MTR: variants seen among roughly 807,000 people sequenced by gnomAD.
MTR encodes the protein 5-methyltetrahydrofolate-homocysteine methyltransferase.
In MTR, 84 loss-of-function variants were observed where a neutral mutation model predicts 154.8. The observed-to-expected ratio is 0.54, with a 90% CI of 0.45 to 0.65. The LOEUF is 0.65. MTR is among the 30% of genes least tolerant of loss of function. The pLI, the probability that MTR is intolerant of heterozygous loss-of-function variation, is 0.00. For synonymous variants in MTR, 554 were observed against 553.9 expected (o/e 1.00, Z 0.00); for missense variants, 1,275 against 1,570.2 (o/e 0.81, Z 3.18).
chr1:236,826,881 C>A lies in MTR; in HGVS notation c.980C>A (p.Thr327Lys), dbSNP rs1662318183. The A allele has an allele frequency of 6.2e-7, 1 of 1,613,944 alleles. No homozygotes were observed. The highest frequency in any genetic ancestry group is 8.5e-7 in the Non-Finnish European group (1 of 1,179,844). ...VNIVGGCCGS[T>K]PDHIREIAEA... is the part of the protein sequence containing the mutation. Reference sequence around the variant, plus strand: ...ATAGTTGGAGGATGCTGTGGGTCAACACCAGATCATATCAGGTAATAATCA... The same window carrying A: ...ATAGTTGGAGGATGCTGTGGGTCAAAACCAGATCATATCAGGTAATAATCA... The change falls in exon 11 of 33, where the codon ACA becomes AAA. Residue 327 changes from threonine to lysine, a missense_variant. Physicochemically the swap from Thr to Lys is moderately conservative, Grantham distance 78. Coordinates refer to ENST00000366577, the MANE Select transcript of MTR (RefSeq NM_000254.3).
intron 10 of MTR, among the ~76,000 whole-genome samples, chr1:236,825,716 T>A (rs1460130158): frequency 3.9e-5 from 6 of 152,094 alleles, no homozygotes; most frequent in Non-Finnish European, 2.9e-5. Flanking sequence ...CTCACACCCC[T>A]CAGACTGCTG....
chr1:236,838,722 A>G (rs1459794572), intron 15 of MTR, 123 bp downstream of exon 15: 1 of 985,876 alleles, frequency 1.0e-6, no homozygotes, highest in Non-Finnish European at 1.6e-6. Flanking sequence ...TTCCATATAC[A>G]TTCATGTACA....
chr1:236,807,050 A>C (rs190477177), intron 3 of MTR, among the ~76,000 whole-genome samples: 3 of 152,310 alleles, frequency 2.0e-5, no homozygotes, highest in African/African-American at 7.2e-5. Context: ...ATATACATGT[A>C]TATATAGCAT....
chr1:236,825,475 A>T (rs1662237665), intron 10 of MTR, 76 bp downstream of exon 10: 2 of 1,396,406 alleles, frequency 1.4e-6, no homozygotes, highest in African/African-American at 2.8e-5. Context: ...ATTTAGAAGG[A>T]GAATTTTCCC....
In MTR at chr1:236,805,177, G is replaced by C. The variant is rs558321779; in HGVS notation, c.250-967G>C. On this transcript the variant is annotated intron_variant, in intron 2 of 32. Transcript: ENST00000366577. ...TTATTCAGTATTGGAAAATCAAGGGGGTCAAGGGATTCCAGGTTGCTAGTC... is the reference window on the plus strand; with the variant it reads ...TTATTCAGTATTGGAAAATCAAGGGCGTCAAGGGATTCCAGGTTGCTAGTC... 2.6e-5 allele frequency among the ~76,000 whole-genome samples: 4 copies of C among 152,244 alleles called. No individual in the cohort carries two copies. In the East Asian group the frequency reaches 5.8e-4, roughly 22 times the overall value.
intron 22 of MTR, among the ~76,000 whole-genome samples, chr1:236,865,975 G>A (rs1664801003): frequency 6.6e-6 from 1 of 152,188 alleles, no homozygotes; most frequent in Non-Finnish European, 1.5e-5. Flanking sequence ...AGTGTCATGG[G>A]CAAGCACATT....
At chr1:236,835,444 G>T (rs1317259089) in intron 13 of MTR, 103 bp from the exon 14 acceptor site, 1 of 1,434,252 alleles carries the variant, frequency 7.0e-7, no homozygotes. Context: ...GAGGTAGTCT[G>T]TGTAATTTGA....
At chr1:236,845,877 T>C (rs1458567624) in intron 15 of MTR, among the ~76,000 whole-genome samples, 1 of 152,262 alleles carries the variant, frequency 6.6e-6, no homozygotes, top group Non-Finnish European at 1.5e-5. Flanking sequence ...TGCTATTGGA[T>C]GTAGCAATCA....
At position 236,859,940 on chromosome 1, in the gene MTR, G is replaced by C. The variant is rs763911562; in HGVS notation, c.2043+18G>C. On this transcript the variant is annotated intron_variant, in intron 19 of 32. Coordinates refer to ENST00000366577, the MANE Select transcript of MTR (RefSeq NM_000254.3). The stretch of plus-strand genomic sequence containing the variant: ...TTGTGAAGGTAAGTTACAGGGGCCT[G>C]AACTGGAGGGCTGGAGGCTCATCAT... 5 of 1,607,270 alleles carry C rather than the reference G, an allele frequency of 3.1e-6. No homozygotes were observed. The African/African-American group carries it at 4.0e-5, about 13-fold the overall frequency.
At chr1:236,861,982 A>AG (rs1664573249) in intron 20 of MTR, among the ~76,000 whole-genome samples, 1 of 152,198 alleles carries the variant, frequency 6.6e-6, no homozygotes, top group African/African-American at 2.4e-5. Flanking sequence ...GGAAAAAAAA[A>AG]CAAGCCAAAG....
intron 22 of MTR, among the ~76,000 whole-genome samples, chr1:236,868,764 AG>A (rs1199416426): frequency 6.6e-6 from 1 of 152,248 alleles, no homozygotes; most frequent in Admixed American, 6.5e-5. Context: ...GTAAAAGAGC[AG>A]TATATGGCTG....
chr1:236,837,150 A>G (rs1213596033), intron 14 of MTR, among the ~76,000 whole-genome samples: 1 of 152,238 alleles, frequency 6.6e-6, no homozygotes, highest in Non-Finnish European at 1.5e-5. Flanking sequence ...TGGGACACCA[A>G]ACTATCAGCA....
intron 13 of MTR, among the ~76,000 whole-genome samples, chr1:236,833,446 G>A (rs968418046): frequency 1.1e-4 from 16 of 152,170 alleles, no homozygotes; most frequent in South Asian, 2.1e-4. Flanking sequence ...AGGTACTGTG[G>A]TTATCCCCAT....
Position 236,898,471 on chromosome 1 carries a change from C to G in MTR, c.*827C>G, listed in dbSNP as rs1666782790. The G allele has an allele frequency of 1.3e-5, 2 of 151,406 alleles. No individual in the cohort carries two copies. Among genetic ancestry groups the G allele is most frequent in the African/African-American group, 4.9e-5 (2 of 41,148 alleles). 9.4% of individuals were successfully genotyped at this position (151,406 alleles called of 1,614,324 possible). On this transcript the variant is annotated 3_prime_UTR_variant, in exon 33 of 33. Coordinates refer to ENST00000366577, the MANE Select transcript of MTR (RefSeq NM_000254.3). ...CTGGAGTGCAGGGGCGCAATCTCGG[C>G]TCATAGCAAGCTCCGCCTCCTGGGT...
chr1:236,869,477 C>G (rs1226628867), intron 22 of MTR, among the ~76,000 whole-genome samples: 1 of 152,224 alleles, frequency 6.6e-6, no homozygotes, highest in Non-Finnish European at 1.5e-5. Context: ...GGTTTACAGG[C>G]ATGAGCCTCC....
At chr1:236,854,646 A>G (rs964701919) in intron 18 of MTR, among the ~76,000 whole-genome samples, 2 of 152,200 alleles carry the variant, frequency 1.3e-5, no homozygotes, top group East Asian at 1.9e-4. Flanking sequence ...TAATTAACAC[A>G]TGAAATGCTG....
chr1:236,872,696 G>C (rs537888024), intron 22 of MTR, among the ~76,000 whole-genome samples: 1 of 152,270 alleles, frequency 6.6e-6, no homozygotes, highest in Non-Finnish European at 1.5e-5. Flanking sequence ...GGGTTTAAAT[G>C]AGATCATTTA....
chr1:236,844,000 G>T (rs1663414148), intron 15 of MTR, among the ~76,000 whole-genome samples: 1 of 152,152 alleles, frequency 6.6e-6, no homozygotes, highest in South Asian at 2.1e-4. Context: ...TAGTGAGACT[G>T]GCTGAGCTCA....
intron 23 of MTR, 140 bp from the exon 24 acceptor site, chr1:236,874,585 AG>A: frequency 1.6e-6 from 1 of 643,114 alleles, no homozygotes; most frequent in Non-Finnish European, 2.5e-6. Context: ...AAAAAAAAAA[AG>A]AATTAGGAAT....
Sources: allele counts gnomAD v4.1 joint callset (sites outside exome capture counted in the v4.1 genomes callset), GRCh38; gene constraint gnomAD v4.1.1; transcripts MANE v1.5; gene names NCBI Gene and HGNC (gene_info 2026-07-23, HGNC 2026-07-21).